FOXP1: variants seen among roughly 807,000 people sequenced by gnomAD.
FOXP1 encodes forkhead box P1, also known as forkhead box protein P1.
FOXP1 carries 15 observed loss-of-function variants against 98.2 expected under a neutral mutation model. The ratio of observed to expected loss-of-function variants is 0.15; its 90% CI spans 0.10 to 0.24. FOXP1 has a LOEUF of 0.24. Ranked by LOEUF, FOXP1 falls within the 10% of genes least tolerant of loss-of-function variation. The pLI is 1.00. For missense variants in FOXP1, 633 were observed against 848.5 expected (o/e 0.75, Z 3.15); for synonymous variants, 371 against 314.5 (o/e 1.18, Z -1.90).
intron 9 of FOXP1, 137 bp from the exon 10 acceptor site, chr3:71,047,232 T>A (rs1208015306): frequency 4.1e-6 from 4 of 986,120 alleles, no homozygotes; most frequent in Non-Finnish European, 6.4e-6. Context: ...CGTGTCAAGG[T>A]TTAAAAGGGA....
intron 11 of FOXP1, among the ~76,000 whole-genome samples, chr3:71,032,926 C>T (rs2047067056): frequency 1.3e-5 from 2 of 152,214 alleles, no homozygotes; most frequent in African/African-American, 4.8e-5. Context: ...TTTCAATATC[C>T]ATCAAAGAAA....
rs377419957 is a variant in FOXP1, at chr3:71,463,823, G to A, written c.-168+29603C>T. Among the ~76,000 whole-genome samples, 14 of 152,258 alleles carry A rather than the reference G, an allele frequency of 9.2e-5. No individual in the cohort carries two copies. In the East Asian group the frequency reaches 1.9e-3, roughly 21 times the overall value. ...TTGGCTAGGACCAAGAACAGCACCT[G>A]CAGAGGCATATATTTTGTAATAACG... On this transcript the variant is annotated intron_variant, in intron 3 of 20. Coordinates refer to ENST00000649528, the MANE Select transcript of FOXP1 (RefSeq NM_001349338.3).
intron 11 of FOXP1, among the ~76,000 whole-genome samples, chr3:71,023,038 C>A (rs377372190): frequency 6.6e-6 from 1 of 152,128 alleles, no homozygotes; most frequent in African/African-American, 2.4e-5. Context: ...CTATGCATCC[C>A]CTTTCCCACC....
chr3:71,182,043 GA>G (rs959874069), intron 6 of FOXP1, among the ~76,000 whole-genome samples: 13 of 140,410 alleles, frequency 9.3e-5, no homozygotes, highest in African/African-American at 3.5e-4. Context: ...TCAAAAAAAA[GA>G]AAAAAAAGAA....
At chr3:71,201,475 T>C (rs748492893) in intron 5 of FOXP1, among the ~76,000 whole-genome samples, 1 of 151,814 alleles carries the variant, frequency 6.6e-6, no homozygotes, top group African/African-American at 2.4e-5. Context: ...GTGAAACTGC[T>C]CTCTACTAAA....
At chr3:71,066,111 A>AAAG (rs1491247948) in intron 7 of FOXP1, among the ~76,000 whole-genome samples, 2 of 140,886 alleles carry the variant, frequency 1.4e-5, no homozygotes, top group South Asian at 4.5e-4. Flanking sequence ...AAAAAAAAAA[A>AAAG]GGCAACAAAA....
At chr3:71,080,073 A>G (rs832221) in intron 7 of FOXP1, among the ~76,000 whole-genome samples, 146,202 of 152,338 alleles carry the variant, frequency 0.96, 70,433 homozygotes, top group East Asian at 1. Flanking sequence ...AATCACTAGT[A>G]TGGACCATAC....
At chr3:71,312,187 A>G (rs905480874) in intron 4 of FOXP1, among the ~76,000 whole-genome samples, 2 of 152,176 alleles carry the variant, frequency 1.3e-5, no homozygotes, top group African/African-American at 4.8e-5. Context: ...TTCTTTCCCA[A>G]AAAGAACGTT....
intron 6 of FOXP1, among the ~76,000 whole-genome samples, chr3:71,132,863 G>GT (rs1294678787): frequency 2.0e-5 from 3 of 151,870 alleles, no homozygotes; most frequent in African/African-American, 7.3e-5. Flanking sequence ...TCCTAAGAGT[G>GT]TTTTTTCAAG....
Position 71,182,324 on chromosome 3 carries a change from C to T in FOXP1, c.180+15878G>A, listed in dbSNP as rs192455180. On this transcript the variant is annotated intron_variant, in intron 6 of 20. Transcript: ENST00000649528. ...CCTTATTCCTATGCAAAAAATAAAT[C>T]TTGTTCAAGGTGCAGGTATTCTCTG... Among the ~76,000 whole-genome samples the T allele has an allele frequency of 1.9e-3, 292 of 152,166 alleles. 1 individual carries two copies. The highest frequency in any genetic ancestry group is 6.8e-3 in the African/African-American group (283 of 41,528).
chr3:71,200,173 C>A (rs993121611), intron 5 of FOXP1, among the ~76,000 whole-genome samples: 10 of 151,192 alleles, frequency 6.6e-5, no homozygotes. Flanking sequence ...GGCACAAAAC[C>A]ATTATCCCAG....
chr3:71,318,102 T>A (rs1270101484), intron 4 of FOXP1, among the ~76,000 whole-genome samples: 1 of 151,956 alleles, frequency 6.6e-6, no homozygotes, highest in Non-Finnish European at 1.5e-5. Flanking sequence ...AAGTCATTTT[T>A]AAAAAATGTA....
chr3:71,411,497 T>C (rs924681729), intron 3 of FOXP1, among the ~76,000 whole-genome samples: 4 of 152,202 alleles, frequency 2.6e-5, no homozygotes, highest in African/African-American at 9.6e-5. Context: ...TAATTTTTTC[T>C]ATTTTTAGTA....
At chr3:70,977,415 A>G (rs528379042) in intron 16 of FOXP1, among the ~76,000 whole-genome samples, 2 of 152,252 alleles carry the variant, frequency 1.3e-5, no homozygotes, top group South Asian at 4.2e-4. Flanking sequence ...TGCCATCTTT[A>G]AACAGGCTCA....
intron 3 of FOXP1, among the ~76,000 whole-genome samples, chr3:71,410,037 A>G (rs954571798): frequency 6.6e-6 from 1 of 152,104 alleles, no homozygotes; most frequent in African/African-American, 2.4e-5. Context: ...AACAGCAACA[A>G]CAAAACAACA....
chr3:71,351,869 T>A (rs1272025432), intron 4 of FOXP1, among the ~76,000 whole-genome samples: 1 of 152,112 alleles, frequency 6.6e-6, no homozygotes, highest in Non-Finnish European at 1.5e-5. Flanking sequence ...GACTCAAAGA[T>A]CTAGAGAAAA....
At chr3:71,163,361 G>A (rs2061238599) in intron 6 of FOXP1, among the ~76,000 whole-genome samples, 1 of 152,172 alleles carries the variant, frequency 6.6e-6, no homozygotes, top group South Asian at 2.1e-4. Flanking sequence ...TTATTGCTGT[G>A]AATTCTGGTC....
At chr3:71,083,205 T>C (rs2054641087) in intron 7 of FOXP1, among the ~76,000 whole-genome samples, 1 of 152,272 alleles carries the variant, frequency 6.6e-6, no homozygotes, top group African/African-American at 2.4e-5. Flanking sequence ...CTCGTGACAG[T>C]GAGTTCCCCT....
At chr3:71,403,790 G>T (rs1159978406) in intron 3 of FOXP1, among the ~76,000 whole-genome samples, 1 of 152,188 alleles carries the variant, frequency 6.6e-6, no homozygotes, top group African/African-American at 2.4e-5. Context: ...GGTGGAGGTT[G>T]TAGTGAGCCA....
Sources: allele counts gnomAD v4.1 joint callset (sites outside exome capture counted in the v4.1 genomes callset), GRCh38; gene constraint gnomAD v4.1.1; transcripts MANE v1.5; gene names NCBI Gene and HGNC (gene_info 2026-07-23, HGNC 2026-07-21).